OSBPL9: variants seen among roughly 807,000 people sequenced by gnomAD.
OSBPL9 encodes the protein oxysterol-binding protein-related protein 9.
In OSBPL9, 40 loss-of-function variants were observed where a neutral mutation model predicts 106.6. That is an observed-to-expected ratio of 0.38 (90% CI 0.29 to 0.49). The LOEUF is 0.49. Ranked by LOEUF, OSBPL9 falls within the 20% of genes least tolerant of loss-of-function variation. The pLI is 0.97. For synonymous variants in OSBPL9, 269 were observed against 295.4 expected, an observed-to-expected ratio of 0.91 and a Z score of 0.92; for missense variants, 609 against 887.2, an observed-to-expected ratio of 0.69 and a Z score of 3.98.
At chr1:51,519,221 G>A in the OSBPL9 span, 4 of 1,393,366 alleles carry the variant, frequency 2.9e-6, no homozygotes, top group Non-Finnish European at 2.8e-6. Flanking sequence ...GAGCTGGGCC[G>A]CCGCAGCCAT....
chr1:51,518,283 GGACTGGACTTT>G, the OSBPL9 span: 64 of 152,590 alleles, frequency 4.2e-4, no homozygotes, highest in African/African-American at 1.5e-3. Context: ...AGAAGCACAA[GGACTGGACTTT>G]GACAGGAAGC....
At position 51,766,727 on chromosome 1, in the gene OSBPL9, C is replaced by CTTA. The variant is rs567142028; in HGVS notation, c.938+746_938+747insTTA. On this transcript the variant is annotated intron_variant, in intron 12 of 23. Coordinates refer to ENST00000428468, the MANE Select transcript of OSBPL9 (RefSeq NM_024586.6). ...CTACTTACAGGGAAATGGAAGTCCA[C>CTTA]CTCAAATCTGTCTCTCTGCACTGGC... Among the ~76,000 whole-genome samples the CTTA allele has an allele frequency of 6.4e-3, 971 of 152,220 alleles. 7 individuals carry two copies. The highest frequency in any genetic ancestry group is 0.011 in the Non-Finnish European group (758 of 68,010).
chr1:51,756,049 A>T (rs899870521), intron 8 of OSBPL9, among the ~76,000 whole-genome samples: 8 of 152,226 alleles, frequency 5.3e-5, no homozygotes, highest in Non-Finnish European at 7.3e-5. Flanking sequence ...GAATGTGACT[A>T]CAGTTCTACA....
At chr1:51,569,671 C>T in the OSBPL9 span, 1 of 152,142 alleles carries the variant, frequency 6.6e-6, no homozygotes, top group Non-Finnish European at 1.5e-5. Context: ...AACTGAAACA[C>T]CAAGGTCTCA....
chr1:51,593,904 T>TCACACACACACA (rs58936844), intron 1 of OSBPL9, among the ~76,000 whole-genome samples: 1,656 of 140,150 alleles, frequency 0.012, 15 homozygotes, highest in Middle Eastern at 0.022. Context: ...TAATCAGATT[T>TCACACACACACA]CACACACACA....
intron 1 of OSBPL9, among the ~76,000 whole-genome samples, chr1:51,631,203 G>A (rs1282935046): frequency 2.6e-5 from 4 of 152,114 alleles, no homozygotes; most frequent in Non-Finnish European, 5.9e-5. Context: ...CCATGTGGGA[G>A]CCATCAGTTG....
At chr1:51,617,067 G>C (rs1378731768), upstream of OSBPL9, 1 of 1,315,908 alleles carries the variant, frequency 7.6e-7, no homozygotes, top group Non-Finnish European at 1.0e-6. Flanking sequence ...ATGCCATATA[G>C]GCGAGTGACG....
chr1:51,765,654 C>T, intron 11 of OSBPL9, 168 bp from the exon 12 acceptor site: 1 of 512,466 alleles, frequency 2.0e-6, no homozygotes, highest in Non-Finnish European at 3.4e-6. Flanking sequence ...CATGATTTGC[C>T]ATTTTCTGTG....
chr1:51,584,514 G>T (rs1306667607), intron 1 of OSBPL9, among the ~76,000 whole-genome samples: 3 of 152,084 alleles, frequency 2.0e-5, no homozygotes, highest in African/African-American at 7.2e-5. Flanking sequence ...AGGAGTTTGA[G>T]ACCAGCATTG....
intron 3 of OSBPL9, among the ~76,000 whole-genome samples, chr1:51,688,358 A>G (rs1019691376): frequency 3.9e-5 from 6 of 152,194 alleles, no homozygotes; most frequent in Admixed American, 1.3e-4. Flanking sequence ...TGGGCCAGGC[A>G]TGGTAGCCTA....
chr1:51,768,955 A>G (rs1206079216), intron 12 of OSBPL9, among the ~76,000 whole-genome samples: 1 of 152,156 alleles, frequency 6.6e-6, no homozygotes, highest in Non-Finnish European at 1.5e-5. Context: ...TTGTTTGTAT[A>G]TTCTAATCTA....
chr1:51,684,358 A>G (rs748614848), intron 3 of OSBPL9, among the ~76,000 whole-genome samples: 1 of 152,172 alleles, frequency 6.6e-6, no homozygotes, highest in Non-Finnish European at 1.5e-5. Flanking sequence ...TATTCTTGCA[A>G]ATTGCTAAGA....
the OSBPL9 span, among the ~76,000 whole-genome samples, chr1:51,546,333 GATGAATATAATGAC>G: frequency 6.6e-6 from 1 of 151,938 alleles, no homozygotes; most frequent in Non-Finnish European, 1.5e-5. Context: ...CAAAAATATT[GATGAATATAATGAC>G]ATTAAAATTA....
chr1:51,614,292 A>G (rs1238179749), upstream of OSBPL9: 1 of 151,628 alleles, frequency 6.6e-6, no homozygotes, highest in Non-Finnish European at 1.5e-5. Flanking sequence ...TCTTTTTCAA[A>G]TTTCTTTTAC....
At chr1:51,622,311 G>A (rs1644488689) in intron 1 of OSBPL9, among the ~76,000 whole-genome samples, 3 of 152,074 alleles carry the variant, frequency 2.0e-5, no homozygotes, top group Admixed American at 2.0e-4. Context: ...AATAAATCTG[G>A]GCTGCAGATA....
chr1:51,760,975 A>G (rs1291329184), intron 10 of OSBPL9, among the ~76,000 whole-genome samples, 195 bp downstream of exon 10: 2 of 152,252 alleles, frequency 1.3e-5, no homozygotes, highest in Non-Finnish European at 2.9e-5. Context: ...CTGAAGTGTG[A>G]TGAAAGTGGT....
chr1:51,530,170 CAAAAAAAAAA>C, the OSBPL9 span, among the ~76,000 whole-genome samples: 1 of 11,036 alleles, frequency 9.1e-5, no homozygotes, highest in African/African-American at 4.7e-4. Flanking sequence ...GACTCTGTCT[CAAAAAAAAAA>C]AAAAAAAAAA....
At position 51,729,978 on chromosome 1, in the gene OSBPL9, G is replaced by C; in HGVS notation, c.319-15558G>C. Reference sequence around the variant, plus strand: ...CAGAGGGCGGGGGCCTTGGCGAATGGCTTTCTTGCTGGCCACTTGCGGAGT... The same window carrying C: ...CAGAGGGCGGGGGCCTTGGCGAATGCCTTTCTTGCTGGCCACTTGCGGAGT... On this transcript the variant is annotated intron_variant, in intron 4 of 23. Coordinates refer to ENST00000428468, the MANE Select transcript of OSBPL9 (RefSeq NM_024586.6). The surrounding 1 kb of genome is among the most constrained non-coding windows in gnomAD (Gnocchi z 5.1). 1.4e-5 allele frequency: 19 copies of C among 1,317,368 alleles called. No homozygotes were observed. Among genetic ancestry groups the C allele is most frequent in the Non-Finnish European group, 1.9e-5 (19 of 1,025,188 alleles). The allele number at this position is 1,317,368 out of a possible 1,614,324, so 81.6% of individuals were successfully genotyped here.
intron 9 of OSBPL9, among the ~76,000 whole-genome samples, chr1:51,757,839 G>T (rs938621911): frequency 1.3e-5 from 2 of 152,148 alleles, no homozygotes; most frequent in African/African-American, 4.8e-5. Flanking sequence ...AAAGAAAGCT[G>T]AAATGTTCTA....
Sources: allele counts gnomAD v4.1 joint callset (sites outside exome capture counted in the v4.1 genomes callset), GRCh38; gene constraint gnomAD v4.1.1; non-coding constraint Gnocchi (gnomAD v3.1); transcripts MANE v1.5; gene names NCBI Gene and HGNC (gene_info 2026-07-23, HGNC 2026-07-21).